TBC1D1: variants seen among roughly 807,000 people sequenced by gnomAD.
TBC1D1 encodes TBC1 (tre-2/USP6, BUB2, cdc16) domain family, member 1.
TBC1D1 carries 89 observed loss-of-function variants against 125.6 expected under a neutral mutation model. The ratio of observed to expected loss-of-function variants is 0.71; its 90% confidence interval spans 0.60 to 0.85. TBC1D1 has a LOEUF of 0.85. TBC1D1 is among the 40% of genes least tolerant of loss of function. The pLI is 0.00. For missense variants in TBC1D1, 1,377 were observed against 1,469.2 expected, an observed-to-expected ratio of 0.94 and a Z score of 1.03; for synonymous variants, 565 against 564.1, an observed-to-expected ratio of 1.00 and a Z score of -0.02.
In TBC1D1 at chr4:38,093,851, A is replaced by G. The variant is rs1467153872; in HGVS notation, c.2237-2078A>G. Among the ~76,000 whole-genome samples, 3 of 152,194 alleles carry G rather than the reference A, an allele frequency of 2.0e-5. No homozygotes were observed. In the East Asian group the frequency reaches 5.8e-4, roughly 29 times the overall value. Reference sequence around the variant, plus strand: ...TCCAGCCAATTTTTCTGTATTTTTAAATGAAGATGTGAGCAGCCTAATGTA... The same window carrying G: ...TCCAGCCAATTTTTCTGTATTTTTAGATGAAGATGTGAGCAGCCTAATGTA... On this transcript the variant is annotated intron_variant, in intron 13 of 19. Coordinates refer to ENST00000261439, the MANE Select transcript of TBC1D1 (RefSeq NM_015173.4).
At chr4:38,136,928 T>A (rs776418853) in intron 19 of TBC1D1, among the ~76,000 whole-genome samples, 38 of 152,036 alleles carry the variant, frequency 2.5e-4, no homozygotes, top group Non-Finnish European at 4.3e-4. Context: ...TGCTGGGGGC[T>A]CTCAGGGTGC....
At chr4:38,099,918 A>G (rs1365133106) in intron 14 of TBC1D1, among the ~76,000 whole-genome samples, 1 of 152,248 alleles carries the variant, frequency 6.6e-6, no homozygotes, top group Non-Finnish European at 1.5e-5. Flanking sequence ...TTTTCTTTCA[A>G]AAAATAAAGG....
intron 19 of TBC1D1, among the ~76,000 whole-genome samples, chr4:38,133,883 G>A (rs1766022235): frequency 6.6e-6 from 1 of 152,202 alleles, no homozygotes; most frequent in East Asian, 1.9e-4. Context: ...GGAGACCAGA[G>A]CTGGCCAGGT....
At chr4:38,034,889 C>T (rs1746907703) in intron 7 of TBC1D1, among the ~76,000 whole-genome samples, 1 of 151,946 alleles carries the variant, frequency 6.6e-6, no homozygotes. Context: ...CATTTGGGAG[C>T]AGGAGGAGAC....
intron 1 of TBC1D1, among the ~76,000 whole-genome samples, chr4:37,899,818 G>A (rs564741421): frequency 7.7e-4 from 118 of 152,324 alleles, no homozygotes; most frequent in African/African-American, 2.6e-3. Context: ...AGAACCAGAA[G>A]AGATTCAAGA....
intron 2 of TBC1D1, among the ~76,000 whole-genome samples, chr4:37,987,161 C>T (rs1735640377): frequency 6.6e-6 from 1 of 152,164 alleles, no homozygotes; most frequent in Non-Finnish European, 1.5e-5. Context: ...ATTATTTTAG[C>T]ATGAATAACA....
chr4:37,914,676 A>G (rs1044639087), intron 2 of TBC1D1, among the ~76,000 whole-genome samples: 1 of 152,210 alleles, frequency 6.6e-6, no homozygotes, highest in Non-Finnish European at 1.5e-5. Flanking sequence ...TACTTAGACT[A>G]AAGTCCTGTA....
At chr4:37,932,697 A>G (rs1723516164) in intron 2 of TBC1D1, among the ~76,000 whole-genome samples, 1 of 152,198 alleles carries the variant, frequency 6.6e-6, no homozygotes, top group Non-Finnish European at 1.5e-5. Flanking sequence ...ACTAGAACCC[A>G]GTGCTCCTCT....
intron 8 of TBC1D1, among the ~76,000 whole-genome samples, chr4:38,037,781 G>A (rs1252661743): frequency 2.0e-5 from 3 of 152,172 alleles, no homozygotes; most frequent in Non-Finnish European, 4.4e-5. Context: ...GGCCATATGC[G>A]CTTTTCAAAG....
At chr4:37,988,333 T>C (rs1735869104) in intron 2 of TBC1D1, among the ~76,000 whole-genome samples, 1 of 152,168 alleles carries the variant, frequency 6.6e-6, no homozygotes, top group East Asian at 1.9e-4. Flanking sequence ...CTATCTTAGA[T>C]TGTCTACCTT....
At chr4:38,079,596 G>T (rs1235278314) in intron 12 of TBC1D1, among the ~76,000 whole-genome samples, 1 of 152,042 alleles carries the variant, frequency 6.6e-6, no homozygotes, top group Non-Finnish European at 1.5e-5. Flanking sequence ...GTGTGGTGGT[G>T]TGCACCCATA....
intron 6 of TBC1D1, among the ~76,000 whole-genome samples, chr4:38,023,873 AT>A (rs1489179938): frequency 7.9e-5 from 12 of 152,108 alleles, no homozygotes; most frequent in Non-Finnish European, 1.3e-4. Flanking sequence ...TTTATGTTTA[AT>A]TTTTTTGAGG....
At chr4:38,032,733 G>A (rs1007436575) in intron 7 of TBC1D1, among the ~76,000 whole-genome samples, 1 of 151,788 alleles carries the variant, frequency 6.6e-6, no homozygotes, top group Non-Finnish European at 1.5e-5. Context: ...TATTTGGGAG[G>A]CTGAGGCAGG....
At chr4:38,096,761 C>T (rs1003942212) in intron 14 of TBC1D1, among the ~76,000 whole-genome samples, 15 of 152,180 alleles carry the variant, frequency 9.9e-5, no homozygotes, top group Middle Eastern at 6.8e-3. Context: ...ACACAGTGAT[C>T]CTAATTAAAA....
intron 19 of TBC1D1, among the ~76,000 whole-genome samples, chr4:38,136,373 C>T (rs1353838427): frequency 6.6e-6 from 1 of 152,106 alleles, no homozygotes; most frequent in Non-Finnish European, 1.5e-5. Context: ...GTCAGTGAGA[C>T]CAGGCACATA....
chr4:38,078,299 G>A (rs1001010046), intron 12 of TBC1D1, among the ~76,000 whole-genome samples: 1 of 152,074 alleles, frequency 6.6e-6, no homozygotes, highest in Non-Finnish European at 1.5e-5. Context: ...TTGTTTCCTG[G>A]GCTTTAAACA....
chr4:37,906,441 C>A (rs554718282), intron 2 of TBC1D1, among the ~76,000 whole-genome samples: 7 of 152,344 alleles, frequency 4.6e-5, no homozygotes, highest in Admixed American at 3.9e-4. Context: ...AGCCACCACA[C>A]CTGGCCTCAT....
intron 15 of TBC1D1, chr4:38,110,300 G>A: frequency 1.0e-6 from 1 of 983,876 alleles, no homozygotes; most frequent in Non-Finnish European, 1.2e-6. Flanking sequence ...ACATCCCTGA[G>A]GTCACCATTC....
chr4:38,031,000 G>A (rs1746016626), intron 7 of TBC1D1, among the ~76,000 whole-genome samples: 1 of 152,194 alleles, frequency 6.6e-6, no homozygotes, highest in Admixed American at 6.5e-5. Context: ...TGCCAGATGG[G>A]CATGTGGGCA....
Sources: allele counts gnomAD v4.1 joint callset (sites outside exome capture counted in the v4.1 genomes callset), GRCh38; gene constraint gnomAD v4.1.1; transcripts MANE v1.5; gene names NCBI Gene and HGNC (gene_info 2026-07-23, HGNC 2026-07-21).